The following ADGB variants were observed in gnomAD, a reference collection of about 807,000 sequenced individuals.
ADGB encodes calpain-7-like protein.
ADGB carries 172 observed loss-of-function variants against 210.5 expected under a neutral mutation model. The observed-to-expected ratio is 0.82, with a 90% CI of 0.72 to 0.93. The LOEUF (loss-of-function observed/expected upper bound fraction) is 0.93. Among genes scored for constraint, ADGB ranks in the 40% least tolerant of loss-of-function variants. The pLI, the probability that ADGB is intolerant of heterozygous loss-of-function variation, is 0.00. For synonymous variants in ADGB, 658 were observed against 662.7 expected (o/e 0.99, Z 0.11); for missense variants, 2,025 against 1,964.8 (o/e 1.03, Z -0.58).
chr6:146,685,453 C>G (rs939673045), intron 9 of ADGB, among the ~76,000 whole-genome samples: 1 of 151,828 alleles, frequency 6.6e-6, no homozygotes, highest in Admixed American at 6.6e-5. Flanking sequence ...GTTGCACTGA[C>G]GAATAACTAG....
At chr6:146,717,514 G>A in intron 15 of ADGB, 22 bp from the exon 16 acceptor site, 2 of 1,295,710 alleles carry the variant, frequency 1.5e-6, no homozygotes, top group South Asian at 2.8e-5. Context: ...ACAATAACCT[G>A]TTAAAAATGT....
chr6:146,694,732 T>G (rs897712017), intron 12 of ADGB, among the ~76,000 whole-genome samples: 2 of 152,112 alleles, frequency 1.3e-5, no homozygotes, highest in East Asian at 3.9e-4. Context: ...TATGCACCAC[T>G]CCATTCTCTT....
Position 146,717,591 on chromosome 6 carries a change from G to A in ADGB, c.1984G>A (p.Glu662Lys), listed in dbSNP as rs1322224854. 2.8e-6 allele frequency: 4 copies of A among 1,404,368 alleles called. No homozygotes were observed. The Admixed American group carries it at 6.8e-5, about 24-fold the overall frequency. 87.0% of individuals were successfully genotyped at this position (1,404,368 alleles called of 1,614,324 possible). A position where few individuals can be genotyped will look rare whatever the true frequency, so the allele number is the denominator to read the frequency against. The change falls in exon 16 of 36, where the codon GAA becomes AAA. Residue 662 changes from glutamate to lysine, a missense_variant. Physicochemically the swap from Glu to Lys is moderately conservative, Grantham distance 56. Coordinates refer to ENST00000397944, the MANE Select transcript of ADGB (RefSeq NM_024694.4). ...ATATTGCCTTAACTTTCAAAAATCAGAATTTAAGGTAAGTATGTTAGAATC... is the reference window on the plus strand; with the variant it reads ...ATATTGCCTTAACTTTCAAAAATCAAAATTTAAGGTAAGTATGTTAGAATC... ...SSYCLNFQKSEFKFSEERVSY... is the reference protein window; with the variant it reads ...SSYCLNFQKSKFKFSEERVSY...
Position 146,801,235 on chromosome 6 carries a change from T to G in ADGB, c.4590T>G (p.Leu1530=), listed in dbSNP as rs1224586668. Residue 1530 remains leucine (L), a synonymous_variant, in exon 34 of 36, where the codon CTT becomes CTG. Transcript: ENST00000397944. ...SPTILETSPR[L]IRKALEFMDL... ...CAATTTTGGAAACATCTCCACGACT[T>G]ATTCGAAAAGCACTAGAATTTATGG... The G allele has an allele frequency of 6.6e-7, 1 of 1,515,652 alleles. No individual in the cohort carries two copies. The highest frequency in any genetic ancestry group is 8.8e-7 in the Non-Finnish European group (1 of 1,130,842). The allele number at this position is 1,515,652 out of a possible 1,614,324, so 93.9% of individuals were successfully genotyped here.
At chr6:146,779,347 G>C (rs1050343705) in intron 29 of ADGB, among the ~76,000 whole-genome samples, 1 of 152,172 alleles carries the variant, frequency 6.6e-6, no homozygotes, top group Non-Finnish European at 1.5e-5. Flanking sequence ...ACACATACCA[G>C]CATGTACATA....
intron 35 of ADGB, among the ~76,000 whole-genome samples, chr6:146,807,082 A>G (rs919057562): frequency 2.0e-5 from 3 of 152,340 alleles, no homozygotes; most frequent in Admixed American, 2.0e-4. Flanking sequence ...TGCAAGAGAC[A>G]TTGGGCTTAT....
intron 28 of ADGB, 74 bp from the exon 29 acceptor site, chr6:146,768,946 T>C (rs1777614281): frequency 4.1e-6 from 3 of 736,654 alleles, no homozygotes; most frequent in Non-Finnish European, 6.5e-6. Context: ...ATCATGTACC[T>C]AGCATAATAA....
At chr6:146,814,730 AAC>A (rs200729534) in intron 35 of ADGB, among the ~76,000 whole-genome samples, 76 of 152,290 alleles carry the variant, frequency 5.0e-4, no homozygotes, top group African/African-American at 1.8e-3. Context: ...GCTTATTAAT[AAC>A]TCATAAATTG....
At chr6:146,651,232 G>A (rs1052782759) in intron 3 of ADGB, among the ~76,000 whole-genome samples, 8 of 152,202 alleles carry the variant, frequency 5.3e-5, no homozygotes, top group African/African-American at 1.9e-4. Context: ...CTGCCTGGTA[G>A]CATTAACAAA....
intron 1 of ADGB, among the ~76,000 whole-genome samples, chr6:146,599,654 A>G (rs1401611719): frequency 6.6e-6 from 1 of 152,142 alleles, no homozygotes; most frequent in Non-Finnish European, 1.5e-5. Flanking sequence ...TGTTACTAAC[A>G]TTTACTCTGA....
Position 146,784,717 on chromosome 6 carries a change from A to C in ADGB, c.4135A>C (p.Lys1379Gln), listed in dbSNP as rs1777848715. Reference protein sequence around the residue: ...HNESELFEVKKDTERADEIRA... With the variant: ...HNESELFEVKQDTERADEIRA... ...TGAATCAGAATTATTTGAAGTGAAA[A>C]AGGATACAGAAAGGGCAGATGAAAT... Residue 1379 changes from lysine to glutamine, a missense_variant, in exon 31 of 36, where the codon AAG becomes CAG. Physicochemically the swap from Lys to Gln is moderately conservative, Grantham distance 53 (BLOSUM62 1). Transcript: ENST00000397944. 6.4e-7 allele frequency: 1 copy of C among 1,551,208 alleles called. No homozygotes were observed. Among genetic ancestry groups the C allele is most frequent in the Admixed American group, 2.0e-5 (1 of 50,950 alleles).
chr6:146,746,112 A>G lies in ADGB; in HGVS notation c.3365+3A>G, dbSNP rs766622976. 1.3e-6 allele frequency: 2 copies of G among 1,522,918 alleles called. No homozygotes were observed. Among genetic ancestry groups the G allele is most frequent in the Admixed American group, 2.1e-5 (1 of 48,598 alleles). The allele number at this position is 1,522,918 out of a possible 1,614,324, so 94.3% of individuals were successfully genotyped here. ...AATGATAAGAAAATTTTATTCAGGT[A>G]CAAGTAAATGACAGAAGGGGAAAGG... On this transcript the variant is annotated splice_donor_region_variant and intron_variant, in intron 26 of 35. Coordinates refer to ENST00000397944, the MANE Select transcript of ADGB (RefSeq NM_024694.4).
chr6:146,667,068 G>A (rs1176699324), intron 7 of ADGB, among the ~76,000 whole-genome samples, 166 bp downstream of exon 7: 1 of 151,868 alleles, frequency 6.6e-6, no homozygotes, highest in South Asian at 2.1e-4. Context: ...GAATTTCAGG[G>A]TAAATTCTAT....
intron 24 of ADGB, 42 bp from the exon 25 acceptor site, chr6:146,741,076 A>T: frequency 7.0e-7 from 1 of 1,419,028 alleles, no homozygotes; most frequent in Non-Finnish European, 9.2e-7. Flanking sequence ...ACTTCCTTTA[A>T]GAATTCACAT....
At chr6:146,671,460 A>G (rs1043256176) in intron 7 of ADGB, among the ~76,000 whole-genome samples, 1 of 152,188 alleles carries the variant, frequency 6.6e-6, no homozygotes, top group African/African-American at 2.4e-5. Flanking sequence ...TTCTGCTTTG[A>G]GTACTAAGTA....
intron 13 of ADGB, 48 bp downstream of exon 13, chr6:146,701,118 T>A: frequency 6.5e-7 from 1 of 1,538,700 alleles, no homozygotes; most frequent in South Asian, 1.2e-5. Flanking sequence ...TGAGACAAGA[T>A]TTTTTTCCTT....
chr6:146,626,672 T>G (rs1780977858), intron 1 of ADGB, among the ~76,000 whole-genome samples: 1 of 152,002 alleles, frequency 6.6e-6, no homozygotes, highest in Non-Finnish European at 1.5e-5. Context: ...TAATGTTTAT[T>G]TTTTCCTTTA....
At chr6:146,774,964 G>A (rs561516789) in intron 29 of ADGB, among the ~76,000 whole-genome samples, 1 of 152,104 alleles carries the variant, frequency 6.6e-6, no homozygotes, top group African/African-American at 2.4e-5. Flanking sequence ...GTAGAGATGG[G>A]GTTTAACCAT....
chr6:146,678,372 G>A (rs533739742), intron 9 of ADGB, among the ~76,000 whole-genome samples: 21 of 152,206 alleles, frequency 1.4e-4, no homozygotes, highest in East Asian at 3.9e-4. Context: ...GACTGCAGGC[G>A]CATGCCATTA....
Sources: gnomAD v4.1 joint callset for allele counts (sites outside exome capture counted in the v4.1 genomes callset) on GRCh38, gnomAD v4.1.1 for gene constraint, MANE v1.5 for transcripts, NCBI Gene and HGNC (gene_info 2026-07-23, HGNC 2026-07-21) for gene names.